The following DIP2C variants were observed in gnomAD, a reference collection of about 807,000 sequenced individuals.
DIP2C encodes the protein DIP2 acetate--CoA ligase C (putative), also known as disco-interacting protein 2 homolog C.
DIP2C carries 33 observed loss-of-function variants against 192.4 expected under a neutral mutation model. The observed-to-expected ratio is 0.17, with a 90% CI of 0.13 to 0.23. The LOEUF is 0.23. DIP2C is among the 10% of genes least tolerant of loss of function. DIP2C has a pLI of 1.00. For missense variants in DIP2C, 1,537 were observed against 2,110.1 expected, an observed-to-expected ratio of 0.73 and a Z score of 5.32; for synonymous variants, 979 against 864.1, an observed-to-expected ratio of 1.13 and a Z score of -2.33.
intron 29 of DIP2C, 37 bp from the exon 30 acceptor site, chr10:329,638 A>G (rs755000446): frequency 6.9e-6 from 3 of 433,814 alleles, no homozygotes; most frequent in South Asian, 6.1e-5. Flanking sequence ...GCGGGAGCTC[A>G]GCAAGGCTGG....
intron 6 of DIP2C, among the ~76,000 whole-genome samples, chr10:416,872 C>T (rs1428103527): frequency 2.0e-5 from 3 of 152,184 alleles, no homozygotes; most frequent in Non-Finnish European, 4.4e-5. Flanking sequence ...GCTGGCAGTC[C>T]ATTCCCCTCA....
chr10:581,240 A>C (rs1177644820), intron 1 of DIP2C, among the ~76,000 whole-genome samples: 1 of 152,106 alleles, frequency 6.6e-6, no homozygotes, highest in Non-Finnish European at 1.5e-5. Context: ...CTGGGGAAAA[A>C]ACAACAAAAA....
chr10:404,547 C>G (rs1228978180), intron 9 of DIP2C, among the ~76,000 whole-genome samples: 2 of 152,156 alleles, frequency 1.3e-5, no homozygotes, highest in African/African-American at 4.8e-5. Context: ...GAAAAATGTC[C>G]TAACTGGAAG....
Position 311,406 on chromosome 10 carries a change from A to C in DIP2C, c.3925-1314T>G, listed in dbSNP as rs1956560812. The C allele has an allele frequency of 5.0e-6, 4 of 800,652 alleles. No individual in the cohort carries two copies. In the South Asian group the frequency reaches 2.6e-4, roughly 51 times the overall value. The allele number at this position is 800,652 out of a possible 1,614,324, so 49.6% of individuals were successfully genotyped here. ...TGACATTGCCCGGCCGGCAGCACCC[A>C]TGATCACAGGGCCTGCAGACCCCCG... is the stretch of plus-strand genomic sequence containing the variant. On this transcript the variant is annotated intron_variant, in intron 31 of 36. Coordinates refer to ENST00000280886, the MANE Select transcript of DIP2C (RefSeq NM_014974.3).
At chr10:562,412 G>A (rs552435919) in intron 1 of DIP2C, among the ~76,000 whole-genome samples, 1 of 152,324 alleles carries the variant, frequency 6.6e-6, no homozygotes, top group Non-Finnish European at 1.5e-5. Flanking sequence ...ACTATTCAAA[G>A]GCATGTTTTT....
intron 1 of DIP2C, among the ~76,000 whole-genome samples, chr10:542,680 G>A (rs985883905): frequency 6.6e-6 from 1 of 152,166 alleles, no homozygotes; most frequent in Non-Finnish European, 1.5e-5. Flanking sequence ...TTGGGAAGTG[G>A]GGGGTTCTGA....
intron 1 of DIP2C, among the ~76,000 whole-genome samples, chr10:582,468 A>C (rs1448891493): frequency 6.6e-6 from 1 of 152,230 alleles, no homozygotes; most frequent in Non-Finnish European, 1.5e-5. Flanking sequence ...CTGAGGTCCC[A>C]GCTACTTGGG....
intron 1 of DIP2C, among the ~76,000 whole-genome samples, chr10:649,237 T>C (rs1012879949): frequency 1.3e-5 from 2 of 149,274 alleles, no homozygotes; most frequent in African/African-American, 4.9e-5. Context: ...ACGTCCACAT[T>C]TGATGGTGGG....
chr10:652,348 G>T lies in DIP2C; in HGVS notation c.85+37146C>A. The T allele has an allele frequency of 5.1e-6, 1 of 197,838 alleles. No homozygotes were observed. 12.3% of individuals were successfully genotyped at this position (197,838 alleles called of 1,614,324 possible). A position where few individuals can be genotyped will look rare whatever the true frequency, so the allele number is the denominator to read the frequency against. ...GCAGCCTGGGCTCACCTCCCAGCCC[G>T]AGGCTGAGAACTGAGTTCCAGTCCC... On this transcript the variant is annotated intron_variant, in intron 1 of 36. Transcript: ENST00000280886. This position sits in a 1 kb window ranked among gnomAD's most constrained non-coding sequence, Gnocchi z 4.5.
chr10:515,679 G>A (rs1480597023), intron 1 of DIP2C, among the ~76,000 whole-genome samples: 1 of 151,992 alleles, frequency 6.6e-6, no homozygotes, highest in Non-Finnish European at 1.5e-5. Context: ...AGCCAAGATC[G>A]CATCACTGCA....
intron 1 of DIP2C, among the ~76,000 whole-genome samples, chr10:513,109 A>C (rs1191076712): frequency 6.6e-6 from 1 of 152,212 alleles, no homozygotes; most frequent in Non-Finnish European, 1.5e-5. Flanking sequence ...ATGCATTTTA[A>C]GAGTGCTACA....
At chr10:350,400 C>T (rs760532452) in intron 24 of DIP2C, among the ~76,000 whole-genome samples, 59 of 152,260 alleles carry the variant, frequency 3.9e-4, no homozygotes, top group Non-Finnish European at 6.0e-4. Context: ...CGTAACTAAC[C>T]GAAACAAGCT....
intron 1 of DIP2C, among the ~76,000 whole-genome samples, chr10:585,376 A>C (rs938413358): frequency 6.6e-6 from 1 of 152,222 alleles, no homozygotes; most frequent in African/African-American, 2.4e-5. Flanking sequence ...GGTGTTCCCA[A>C]ACACACACAG....
At chr10:449,930 AAAAAAAG>A (rs1231877645) in intron 3 of DIP2C, among the ~76,000 whole-genome samples, 5 of 148,242 alleles carry the variant, frequency 3.4e-5, no homozygotes, top group African/African-American at 1.3e-4. Flanking sequence ...CAAAAAAAAA[AAAAAAAG>A]AAAATCTGAG....
chr10:363,168 G>T lies in DIP2C; in HGVS notation c.2592+29C>A. On this transcript the variant is annotated intron_variant, in intron 21 of 36. Coordinates refer to ENST00000280886, the MANE Select transcript of DIP2C (RefSeq NM_014974.3). The surrounding 1 kb of genome is among the most constrained non-coding windows in gnomAD (Gnocchi z 5.4). ...AGGAGGCCAGAAACAAGACACAGGGGACCAGTGCCCAGGGCGAGGGAGGGC... is the reference window on the plus strand; with the variant it reads ...AGGAGGCCAGAAACAAGACACAGGGTACCAGTGCCCAGGGCGAGGGAGGGC... 1.3e-6 allele frequency: 2 copies of T among 1,590,408 alleles called. No homozygotes were observed. The highest frequency in any genetic ancestry group is 1.7e-6 in the Non-Finnish European group (2 of 1,160,598).
chr10:604,984 G>A (rs527815053), intron 1 of DIP2C, among the ~76,000 whole-genome samples: 81 of 152,288 alleles, frequency 5.3e-4, no homozygotes, highest in Non-Finnish European at 1.0e-3. Context: ...ATCTACTTCC[G>A]AAAGATCTAT....
chr10:552,435 TCTTC>T (rs1010801095), intron 1 of DIP2C, among the ~76,000 whole-genome samples: 47 of 152,382 alleles, frequency 3.1e-4, no homozygotes, highest in African/African-American at 9.9e-4. Flanking sequence ...GAGGGAAATT[TCTTC>T]CTTATTATTC....
intron 1 of DIP2C, among the ~76,000 whole-genome samples, chr10:540,722 GACTA>G (rs555209169): frequency 5.3e-4 from 81 of 152,310 alleles, no homozygotes; most frequent in Admixed American, 7.8e-4. Flanking sequence ...ACAATAAAAA[GACTA>G]ACTGAGAAAA....
At chr10:590,782 C>G (rs967468593) in intron 1 of DIP2C, among the ~76,000 whole-genome samples, 2 of 152,216 alleles carry the variant, frequency 1.3e-5, no homozygotes, top group African/African-American at 4.8e-5. Context: ...AAATATCTTA[C>G]AGCCACCATT....
Sources: allele counts gnomAD v4.1 joint callset (sites outside exome capture counted in the v4.1 genomes callset), GRCh38; gene constraint gnomAD v4.1.1; non-coding constraint Gnocchi (gnomAD v3.1); transcripts MANE v1.5; gene names NCBI Gene and HGNC (gene_info 2026-07-23, HGNC 2026-07-21).